The following EXOC4 variants were observed in gnomAD, a reference collection of about 807,000 sequenced individuals.
The protein encoded by EXOC4 is SEC8-like 1.
In EXOC4, 71 loss-of-function variants were observed where a neutral mutation model predicts 107.2. That is an observed-to-expected ratio of 0.66 (90% CI 0.55 to 0.81). EXOC4 has a LOEUF of 0.81. Among genes scored for constraint, EXOC4 ranks in the 30% least tolerant of loss-of-function variants. EXOC4 has a pLI of 0.00. For missense variants in EXOC4, 1,108 were observed against 1,189.6 expected (o/e 0.93, Z 1.01); for synonymous variants, 456 against 441.2 (o/e 1.03, Z -0.42).
At chr7:134,073,222 A>AAAC in the EXOC4 span, among the ~76,000 whole-genome samples, 1 of 46,324 alleles carries the variant, frequency 2.2e-5, no homozygotes, top group East Asian at 6.7e-4. Context: ...AAAAAAAAAA[A>AAAC]AAAAAAAAAA....
chr7:133,918,258 G>A (rs1298533005), intron 13 of EXOC4, among the ~76,000 whole-genome samples: 1 of 152,106 alleles, frequency 6.6e-6, no homozygotes, highest in Non-Finnish European at 1.5e-5. Flanking sequence ...GGGATTACAG[G>A]CATGAGCCAC....
At chr7:133,777,069 A>T (rs1279932783) in intron 10 of EXOC4, among the ~76,000 whole-genome samples, 1 of 152,092 alleles carries the variant, frequency 6.6e-6, no homozygotes, top group Middle Eastern at 3.2e-3. Context: ...ATTTTTAAAC[A>T]TTATTTTATA....
At chr7:133,858,389 T>C (rs1798464671) in intron 11 of EXOC4, among the ~76,000 whole-genome samples, 1 of 152,086 alleles carries the variant, frequency 6.6e-6, no homozygotes, top group South Asian at 2.1e-4. Context: ...GATTGGTTCA[T>C]GGTTGGGAGG....
chr7:133,253,677 C>G (rs935519994), intron 1 of EXOC4: 2 of 221,900 alleles, frequency 9.0e-6, no homozygotes, highest in Non-Finnish European at 1.5e-5. Context: ...TGGCCACAGC[C>G]ACAAATACAA....
At chr7:133,560,590 T>A (rs569454737) in intron 9 of EXOC4, among the ~76,000 whole-genome samples, 1 of 152,296 alleles carries the variant, frequency 6.6e-6, no homozygotes, top group South Asian at 2.1e-4. Context: ...GGCCAAGATT[T>A]TTTTTCCGGA....
intron 10 of EXOC4, among the ~76,000 whole-genome samples, chr7:133,735,219 CAAAAAAAAAAAAAAAAAAAAA>C (rs56769096): frequency 3.0e-5 from 1 of 33,494 alleles, no homozygotes; most frequent in East Asian, 1.2e-3. Flanking sequence ...GACTCTGTCT[CAAAAAAAAAAAAAAAAAAAAA>C]AAAAAAAAAA....
intron 7 of EXOC4, 75 bp from the exon 8 acceptor site, chr7:133,475,253 G>T: frequency 7.7e-7 from 1 of 1,290,980 alleles, no homozygotes; most frequent in South Asian, 1.3e-5. Context: ...GATTTGCATG[G>T]TTTTAAAATA....
intron 17 of EXOC4, among the ~76,000 whole-genome samples, chr7:134,027,812 A>G (rs1795177617): frequency 6.6e-6 from 1 of 152,156 alleles, no homozygotes; most frequent in African/African-American, 2.4e-5. Flanking sequence ...AGAAGCTCAG[A>G]AAGTCTTAAT....
In EXOC4 at chr7:133,730,961, A is replaced by G. The variant is rs114109184; in HGVS notation, c.1515-86364A>G. 2.4e-3 allele frequency among the ~76,000 whole-genome samples: 362 copies of G among 152,308 alleles called. 5 individuals carry two copies. Among genetic ancestry groups the G allele is most frequent in the African/African-American group, 8.1e-3 (338 of 41,572 alleles). ...GACTTCACAAGATTCACTTGATAAT[A>G]GTTACAAAGTAAATCCAGTTCTTCA... On this transcript the variant is annotated intron_variant, in intron 10 of 17. Coordinates refer to ENST00000253861, the MANE Select transcript of EXOC4 (RefSeq NM_021807.4).
At chr7:133,575,940 GCTCGTTCT>G (rs1801117593) in intron 9 of EXOC4, among the ~76,000 whole-genome samples, 2 of 152,128 alleles carry the variant, frequency 1.3e-5, no homozygotes, top group Admixed American at 1.3e-4. Flanking sequence ...TTTGGTAATT[GCTCGTTCT>G]CTTCAGTGAC....
chr7:133,517,925 C>A (rs957357669), intron 9 of EXOC4, among the ~76,000 whole-genome samples: 3 of 152,028 alleles, frequency 2.0e-5, no homozygotes, highest in African/African-American at 4.8e-5. Flanking sequence ...TGGATTAAAA[C>A]ATCAAACATT....
chr7:133,546,396 C>T (rs1400744624), intron 9 of EXOC4, among the ~76,000 whole-genome samples: 2 of 151,698 alleles, frequency 1.3e-5, no homozygotes, highest in Non-Finnish European at 2.9e-5. Context: ...GCTGGGATTA[C>T]AGGCATGTGC....
chr7:133,898,435 G>A (rs1799371256), intron 12 of EXOC4, among the ~76,000 whole-genome samples: 2 of 151,946 alleles, frequency 1.3e-5, no homozygotes. Context: ...AAAGAGAATG[G>A]AATAAAATAT....
At chr7:133,704,288 A>G (rs1332557999) in intron 10 of EXOC4, among the ~76,000 whole-genome samples, 2 of 151,846 alleles carry the variant, frequency 1.3e-5, no homozygotes, top group Non-Finnish European at 2.9e-5. Context: ...GTGTTTTTGT[A>G]TTTTTCGTTA....
At chr7:133,272,460 T>C (rs1010786019) in intron 1 of EXOC4, among the ~76,000 whole-genome samples, 1 of 152,214 alleles carries the variant, frequency 6.6e-6, no homozygotes, top group Non-Finnish European at 1.5e-5. Context: ...TCCAAAGGCC[T>C]GTTATGAGGA....
chr7:133,448,773 A>G (rs1291422573), intron 7 of EXOC4, among the ~76,000 whole-genome samples: 1 of 152,190 alleles, frequency 6.6e-6, no homozygotes, highest in African/African-American at 2.4e-5. Flanking sequence ...ACTGAATTAA[A>G]TTGGGTCCCA....
chr7:133,541,079 A>C (rs1391450930), intron 9 of EXOC4, among the ~76,000 whole-genome samples: 1 of 152,184 alleles, frequency 6.6e-6, no homozygotes, highest in Admixed American at 6.5e-5. Flanking sequence ...TTGAGAAAAT[A>C]CATTTTTGAG....
At chr7:133,883,251 T>C (rs1799003190) in intron 11 of EXOC4, among the ~76,000 whole-genome samples, 1 of 152,146 alleles carries the variant, frequency 6.6e-6, no homozygotes, top group Admixed American at 6.5e-5. Flanking sequence ...TTCTGCAGTC[T>C]TCCATTGTAT....
intron 10 of EXOC4, among the ~76,000 whole-genome samples, chr7:133,653,921 T>C (rs1803224281): frequency 6.6e-6 from 1 of 152,176 alleles, no homozygotes; most frequent in Non-Finnish European, 1.5e-5. Context: ...CTGTTTCTGT[T>C]GGCCAAGGTG....
Sources: gnomAD v4.1 joint callset for allele counts (sites outside exome capture counted in the v4.1 genomes callset) on GRCh38, gnomAD v4.1.1 for gene constraint, MANE v1.5 for transcripts, NCBI Gene and HGNC (gene_info 2026-07-23, HGNC 2026-07-21) for gene names.